The following CXCL13 variants were observed in gnomAD, a reference collection of about 807,000 sequenced individuals.
CXCL13 encodes the protein C-X-C motif chemokine ligand 13, also known as C-X-C motif chemokine 13.
In CXCL13, 7 loss-of-function variants were observed where a neutral mutation model predicts 12.2. The ratio of observed to expected loss-of-function variants is 0.57; its 90% CI spans 0.33 to 1.07. The LOEUF is 1.07. Ranked by LOEUF, CXCL13 falls within the 50% of genes least tolerant of loss-of-function variation. CXCL13 has a pLI of 0.04. For missense variants in CXCL13, 113 were observed against 127.4 expected (o/e 0.89, Z 0.55); for synonymous variants, 47 against 42.4 (o/e 1.11, Z -0.42).
intron 1 of CXCL13, among the ~76,000 whole-genome samples, chr4:77,545,043 G>A (rs555691757): frequency 1.3e-5 from 2 of 152,274 alleles, no homozygotes; most frequent in South Asian, 4.1e-4. Flanking sequence ...ATTTGTCAAA[G>A]ATCTGATGGT....
At chr4:77,540,400 C>T (rs2109800504) in intron 1 of CXCL13, among the ~76,000 whole-genome samples, 1 of 152,110 alleles carries the variant, frequency 6.6e-6, no homozygotes, top group East Asian at 1.9e-4. Context: ...AATTTTTCAA[C>T]TGCTGCCTCC....
chr4:77,562,948 C>T (rs562386064), intron 1 of CXCL13, among the ~76,000 whole-genome samples: 9 of 152,232 alleles, frequency 5.9e-5, no homozygotes, highest in Middle Eastern at 3.4e-3. Flanking sequence ...CTGCCAGAGC[C>T]AGCAGTGGCA....
chr4:77,529,276 C>T (rs1275509800), intron 1 of CXCL13, among the ~76,000 whole-genome samples: 2 of 151,960 alleles, frequency 1.3e-5, no homozygotes, highest in African/African-American at 4.8e-5. Context: ...TTTTTTGGTT[C>T]CATATGAACT....
rs1414353801 is a variant in CXCL13, at chr4:77,610,979, G to T, written c.279-9G>T. 6.2e-7 allele frequency: 1 copy of T among 1,608,390 alleles called. No individual in the cohort carries two copies. The highest frequency in any genetic ancestry group is 1.3e-5 in the African/African-American group (1 of 74,948). On this transcript the variant is annotated splice_polypyrimidine_tract_variant and intron_variant, in intron 3 of 3. Transcript: ENST00000682537. ...ACATGACAATTTTGTTTTTGTTTCT[G>T]CTTCACAGAAGAAGTTCTTCAACTC...
intron 1 of CXCL13, among the ~76,000 whole-genome samples, chr4:77,539,458 C>T (rs1473011025): frequency 6.6e-6 from 1 of 152,158 alleles, no homozygotes; most frequent in Non-Finnish European, 1.5e-5. Context: ...AGGTTTTATA[C>T]ATTAGTGTAC....
rs190108095 is a variant in CXCL13 at position 77,520,475 on chromosome 4, C to T, written c.-43+8687C>T. ...CCTAGGTACTGTATTCTTTTTGCAG[C>T]AATTGTGAATGGGAGTTCACTCATC... On this transcript the variant is annotated intron_variant, in intron 1 of 4. Transcript: ENST00000286758. 5.8e-4 allele frequency among the ~76,000 whole-genome samples: 89 copies of T among 152,248 alleles called. No individual in the cohort carries two copies. In the East Asian group the frequency reaches 0.014, roughly 25 times the overall value.
chr4:77,580,366 C>T (rs1726298038), intron 1 of CXCL13, among the ~76,000 whole-genome samples: 1 of 59,632 alleles, frequency 1.7e-5, no homozygotes, highest in Non-Finnish European at 3.1e-5. Context: ...CTCTCTCTTT[C>T]ACCAGGCTGG....
intron 2 of CXCL13, among the ~76,000 whole-genome samples, chr4:77,609,541 C>T (rs1727095964): frequency 6.6e-6 from 1 of 152,102 alleles, no homozygotes; most frequent in South Asian, 2.1e-4. Context: ...CTCCTGGCCT[C>T]AAGCAATCCG....
At chr4:77,585,672 A>G (rs947928268) in intron 1 of CXCL13, among the ~76,000 whole-genome samples, 2 of 152,224 alleles carry the variant, frequency 1.3e-5, no homozygotes, top group African/African-American at 4.8e-5. Flanking sequence ...CTAATCAATG[A>G]CTAATGATAG....
At chr4:77,591,204 T>G (rs1022916332) in intron 1 of CXCL13, among the ~76,000 whole-genome samples, 1 of 152,146 alleles carries the variant, frequency 6.6e-6, no homozygotes, top group Non-Finnish European at 1.5e-5. Flanking sequence ...TATTTAGATA[T>G]ATATACATTC....
chr4:77,542,561 C>T (rs1725230819), intron 1 of CXCL13, among the ~76,000 whole-genome samples: 1 of 152,108 alleles, frequency 6.6e-6, no homozygotes, highest in South Asian at 2.1e-4. Context: ...GGCCCCATCT[C>T]CAATACTGGG....
chr4:77,547,817 C>A (rs906244507), intron 1 of CXCL13, among the ~76,000 whole-genome samples: 2 of 152,164 alleles, frequency 1.3e-5, no homozygotes, highest in Non-Finnish European at 2.9e-5. Flanking sequence ...GATGCAGTTT[C>A]TTCCTAGCAT....
intron 1 of CXCL13, among the ~76,000 whole-genome samples, chr4:77,593,123 T>G (rs1726656545): frequency 6.6e-6 from 1 of 152,160 alleles, no homozygotes; most frequent in African/African-American, 2.4e-5. Flanking sequence ...TTTTTTTCCC[T>G]CATCGATTCT....
At chr4:77,544,011 C>T (rs1269112924) in intron 1 of CXCL13, among the ~76,000 whole-genome samples, 1 of 152,020 alleles carries the variant, frequency 6.6e-6, no homozygotes, top group East Asian at 1.9e-4. Flanking sequence ...GGTTTTCTGT[C>T]CTTGCGATAT....
intron 1 of CXCL13, among the ~76,000 whole-genome samples, chr4:77,541,334 G>A (rs1325544326): frequency 6.6e-6 from 1 of 152,088 alleles, no homozygotes. Flanking sequence ...TCCCAAGGCT[G>A]ATGTCCAGAA....
At chr4:77,595,136 T>C (rs1011436677) in intron 1 of CXCL13, among the ~76,000 whole-genome samples, 8 of 151,768 alleles carry the variant, frequency 5.3e-5, no homozygotes. Context: ...ACAAAGTCCC[T>C]TTGCATATCA....
intron 1 of CXCL13, among the ~76,000 whole-genome samples, chr4:77,595,097 G>T (rs892958902): frequency 1.6e-5 from 1 of 60,998 alleles, no homozygotes; most frequent in Admixed American, 2.2e-4. Flanking sequence ...GGTTTTAGGT[G>T]ATTTTTTTTT....
In CXCL13 at chr4:77,515,239, G is replaced by T. The variant is rs564003175; in HGVS notation, c.-43+3451G>T. ...GTAGTATAGTTTGAAGTCAGGTAGC[G>T]TGATGCCTCCAGCTTTGTTCTTTTG... On this transcript the variant is annotated intron_variant, in intron 1 of 4. Coordinates refer to the CXCL13 transcript ENST00000286758. Among the ~76,000 whole-genome samples the T allele has an allele frequency of 1.5e-4, 23 of 152,260 alleles. No homozygotes were observed. In the East Asian group the frequency reaches 4.4e-3, roughly 29 times the overall value.
intron 1 of CXCL13, among the ~76,000 whole-genome samples, chr4:77,595,310 G>C (rs945167608): frequency 6.6e-6 from 1 of 152,114 alleles, no homozygotes; most frequent in South Asian, 2.1e-4. Context: ...TCCCTAGTTT[G>C]TACTTTTAAA....
Sources: gnomAD v4.1 joint callset for allele counts (sites outside exome capture counted in the v4.1 genomes callset) on GRCh38, gnomAD v4.1.1 for gene constraint, MANE v1.5 for transcripts, NCBI Gene and HGNC (gene_info 2026-07-23, HGNC 2026-07-21) for gene names.